Variants in PACS2 observed in about 807,000 individuals in gnomAD.
PACS2 encodes the protein phosphofurin acidic cluster sorting protein 2.
PACS2 carries 36 observed loss-of-function variants against 113.0 expected under a neutral mutation model. That is an observed-to-expected ratio of 0.32 (90% CI 0.24 to 0.42). The LOEUF is 0.42. Ranked by LOEUF, PACS2 falls within the 10% of genes least tolerant of loss-of-function variation. The probability of loss-of-function intolerance (pLI) is 1.00; values close to 1 mark genes in which losing one functional copy is unlikely to be tolerated. For synonymous variants in PACS2, 589 were observed against 536.1 expected (o/e 1.10, Z -1.36); for missense variants, 1,015 against 1,239.5 (o/e 0.82, Z 2.72).
intron 1 of PACS2, among the ~76,000 whole-genome samples, chr14:105,338,844 T>C (rs1353860482): frequency 1.3e-5 from 2 of 152,170 alleles, no homozygotes; most frequent in African/African-American, 4.8e-5. Flanking sequence ...CCTGGCTTCA[T>C]TGTGCCATCT....
At chr14:105,390,310 G>T in intron 20 of PACS2, 1 of 433,800 alleles carries the variant, frequency 2.3e-6, no homozygotes, top group Non-Finnish European at 4.3e-6. Context: ...CAGGAGAGGA[G>T]AGACTGCCTG....
At chr14:105,344,788 G>C (rs908887113) in intron 1 of PACS2, among the ~76,000 whole-genome samples, 1 of 152,054 alleles carries the variant, frequency 6.6e-6, no homozygotes, top group African/African-American at 2.4e-5. Context: ...TTGCTTACTT[G>C]GGGTTTAATA....
Position 105,384,355 on chromosome 14 carries a change from T to A in PACS2, c.1783T>A (p.Ser595Thr). 6.2e-7 allele frequency: 1 copy of A among 1,600,354 alleles called. No homozygotes were observed. The highest frequency in any genetic ancestry group is 1.3e-5 in the African/African-American group (1 of 74,776). ...CCAGCCCCACCCCTGGCATGCAGGCTCCCACCCCGTGGCCAGGTACCTAGG... is the reference window on the plus strand; with the variant it reads ...CCAGCCCCACCCCTGGCATGCAGGCACCCACCCCGTGGCCAGGTACCTAGG... ...YMRFLVIPLG[S>T]HPVARYLGSV... is the part of the protein sequence containing the mutation. The change falls in exon 17 of 25, where the codon TCC becomes ACC. Residue 595 changes from serine (S) to threonine (T), a missense_variant and splice_region_variant. Around this residue, in one of 3 missense-constraint regions of PACS2, gnomAD observed 859 missense variants for 1,056.8 expected, o/e 0.81. Transcript: ENST00000447393.
intron 19 of PACS2, chr14:105,389,753 C>T: frequency 1.6e-6 from 1 of 608,860 alleles, no homozygotes; most frequent in Non-Finnish European, 3.0e-6. Context: ...AGAAGGGGCC[C>T]AGGCGTTGGT....
In PACS2 at chr14:105,354,980, G is replaced by C. The variant is rs2060378173; in HGVS notation, c.298-72G>C. On this transcript the variant is annotated intron_variant, in intron 3 of 24. Coordinates refer to ENST00000447393, the MANE Select transcript of PACS2 (RefSeq NM_001100913.3). The surrounding 1 kb of genome is among the most constrained non-coding windows in gnomAD (Gnocchi z 4.2). Reference sequence around the variant, plus strand: ...CTGGTCGCAGGCTGCAGGGTGGCTGGGCCGTCAGAGGCCGTGATGCTGCCT... The same window carrying C: ...CTGGTCGCAGGCTGCAGGGTGGCTGCGCCGTCAGAGGCCGTGATGCTGCCT... The C allele has an allele frequency of 6.5e-7, 1 of 1,526,898 alleles. No individual in the cohort carries two copies. The highest frequency in any genetic ancestry group is 1.4e-5 in the African/African-American group (1 of 73,028). 94.6% of individuals were successfully genotyped at this position (1,526,898 alleles called of 1,614,324 possible). A position where few individuals can be genotyped will look rare whatever the true frequency, so the allele number is the denominator to read the frequency against.
Position 105,365,342 on chromosome 14 carries a change from T to C in PACS2, c.424-1871T>C, listed in dbSNP as rs2060906459. On this transcript the variant is annotated intron_variant, in intron 4 of 24. Transcript: ENST00000447393. The surrounding 1 kb of genome is among the most constrained non-coding windows in gnomAD (Gnocchi z 5.1). The stretch of plus-strand genomic sequence containing the variant: ...GAGGAGAGGAACATGCAGCCTGGAG[T>C]GTCGGGGCCTGGGACTTCCAGGGCC... Among the ~76,000 whole-genome samples the C allele has an allele frequency of 6.6e-6, 1 of 151,838 alleles. No individual in the cohort carries two copies. The highest frequency in any genetic ancestry group is 2.4e-5 in the African/African-American group (1 of 41,314).
intron 1 of PACS2, among the ~76,000 whole-genome samples, chr14:105,322,172 G>C (rs146101188): frequency 6.7e-6 from 1 of 150,214 alleles, no homozygotes; most frequent in Non-Finnish European, 1.5e-5. Flanking sequence ...TCTCGACCTC[G>C]TGATCCGCCC....
At chr14:105,368,599 A>T (rs1456420148) in intron 7 of PACS2, 60 bp downstream of exon 7, 14 of 1,331,758 alleles carry the variant, frequency 1.1e-5, no homozygotes, top group Admixed American at 3.4e-5. Context: ...GGACGCTGGG[A>T]GCCTGGGCGT....
At chr14:105,319,671 C>A (rs185467598) in intron 1 of PACS2, among the ~76,000 whole-genome samples, 34 of 152,208 alleles carry the variant, frequency 2.2e-4, no homozygotes, top group Admixed American at 9.2e-4. Flanking sequence ...TTCTTTCTTT[C>A]TCTTGCCTGA....
At chr14:105,391,520 T>G in intron 21 of PACS2, 111 bp from the exon 22 acceptor site, 10 of 434,060 alleles carry the variant, frequency 2.3e-5, no homozygotes, top group Non-Finnish European at 2.6e-5. Flanking sequence ...ACTCCCACCC[T>G]GCCCACCCCC....
At chr14:105,359,155 G>A (rs1463629639) in intron 4 of PACS2, among the ~76,000 whole-genome samples, 3 of 152,028 alleles carry the variant, frequency 2.0e-5, no homozygotes, top group African/African-American at 7.3e-5. Context: ...CCTACGCGGC[G>A]GTGCGTGGTG....
intron 8 of PACS2, 132 bp downstream of exon 8, chr14:105,370,032 C>T (rs1418060906): frequency 5.1e-6 from 4 of 791,336 alleles, no homozygotes; most frequent in African/African-American, 1.7e-5. Context: ...CCGCCAGCAT[C>T]GCACAGTCTG....
In PACS2 at chr14:105,377,963, G is replaced by A. The variant is rs587702553; in HGVS notation, c.959+1038G>A. 3.0e-4 allele frequency among the ~76,000 whole-genome samples: 46 copies of A among 152,326 alleles called. 1 individual carries two copies. The East Asian group carries it at 8.7e-3, about 29-fold the overall frequency. ...GTGGAGTTCAGCTCCGTGTGGCTGCGGGATGGGGGTCTGGCTGCCCTGCCG... is the reference window on the plus strand; with the variant it reads ...GTGGAGTTCAGCTCCGTGTGGCTGCAGGATGGGGGTCTGGCTGCCCTGCCG... On this transcript the variant is annotated intron_variant, in intron 9 of 24. Coordinates refer to ENST00000447393, the MANE Select transcript of PACS2 (RefSeq NM_001100913.3).
Position 105,392,861 on chromosome 14 carries a change from C to T in PACS2, c.2482+16C>T. 1 of 1,564,670 alleles carries T rather than the reference C, an allele frequency of 6.4e-7. No homozygotes were observed. Among genetic ancestry groups the T allele is most frequent in the South Asian group, 1.1e-5 (1 of 90,364 alleles). On this transcript the variant is annotated intron_variant, in intron 23 of 24. Coordinates refer to ENST00000447393, the MANE Select transcript of PACS2 (RefSeq NM_001100913.3). ...AACAAGAAGGGTGAGGTGGGGCAGGCTATAAGGCCACACGGCGCAGAAGGG... is the reference window on the plus strand; with the variant it reads ...AACAAGAAGGGTGAGGTGGGGCAGGTTATAAGGCCACACGGCGCAGAAGGG...
chr14:105,332,368 G>A (rs925077545), intron 1 of PACS2, among the ~76,000 whole-genome samples: 2 of 152,216 alleles, frequency 1.3e-5, no homozygotes, highest in African/African-American at 4.8e-5. Flanking sequence ...GGAGCACGGG[G>A]GTTTTGCCTG....
chr14:105,314,383 T>C (rs1395970947), upstream of PACS2: 1 of 148,686 alleles, frequency 6.7e-6, no homozygotes, highest in Non-Finnish European at 1.5e-5. Flanking sequence ...GAGCTTTCCT[T>C]AGGGGGCGGC....
At position 105,383,414 on chromosome 14, in the gene PACS2, C is replaced by G. The variant is rs1555412683; in HGVS notation, c.1681C>G (p.Gln561Glu). ...TPVKIAVAGAQHYLSAILRLF... is the reference protein window; with the variant it reads ...TPVKIAVAGAEHYLSAILRLF... ...CGTGAAGATCGCCGTGGCGGGAGCG[C>G]AGCATTACCTCAGTGCCATCCTGCG... Residue 561 changes from glutamine (Q) to glutamate (E), a missense_variant, in exon 16 of 25, where the codon CAG becomes GAG. This residue lies in a region of PACS2 where 859 missense variants were observed against 1,056.8 expected (regional missense o/e 0.81). Transcript: ENST00000447393. 1.2e-6 allele frequency: 2 copies of G among 1,608,814 alleles called. No homozygotes were observed. The highest frequency in any genetic ancestry group is 3.3e-5 in the Admixed American group (2 of 59,996).
At chr14:105,314,181 G>C (rs1331838325), upstream of PACS2, among the ~76,000 whole-genome samples, 1 of 152,150 alleles carries the variant, frequency 6.6e-6, no homozygotes, top group African/African-American at 2.4e-5. Flanking sequence ...ACCCACGCAG[G>C]GGGGCGCGAG....
chr14:105,314,002 A>G (rs2058433453), upstream of PACS2, among the ~76,000 whole-genome samples: 1 of 152,260 alleles, frequency 6.6e-6, no homozygotes. Flanking sequence ...CCTGAGCACA[A>G]CGCTGAAAAG....
Sources: allele counts gnomAD v4.1 joint callset (sites outside exome capture counted in the v4.1 genomes callset), GRCh38; gene constraint gnomAD v4.1.1; regional missense constraint gnomAD v4.1.1; non-coding constraint Gnocchi (gnomAD v3.1); transcripts MANE v1.5; gene names NCBI Gene and HGNC (gene_info 2026-07-23, HGNC 2026-07-21).